Variants in EPB41L4A observed in about 807,000 individuals in gnomAD.
EPB41L4A encodes the protein band 4.1-like protein 4A.
Under a neutral mutation model 108.6 loss-of-function variants are expected in EPB41L4A, and 100 were observed. The observed-to-expected ratio is 0.92, with a 90% CI of 0.78 to 1.09. EPB41L4A has a LOEUF of 1.09. Ranked by LOEUF, EPB41L4A falls within the 50% of genes least tolerant of loss-of-function variation. The pLI is 0.00. For missense variants in EPB41L4A, 1,030 were observed against 842.7 expected (o/e 1.22, Z -2.75); for synonymous variants, 319 against 289.0 (o/e 1.10, Z -1.05).
intron 12 of EPB41L4A, among the ~76,000 whole-genome samples, chr5:112,146,715 G>T (rs17134157): frequency 0.065 from 9,959 of 152,144 alleles, 881 homozygotes; most frequent in African/African-American, 0.2. Context: ...ACAGAAGAAA[G>T]GTCTATTAAT....
At chr5:112,243,840 G>A (rs1417673199) in intron 9 of EPB41L4A, among the ~76,000 whole-genome samples, 1 of 152,172 alleles carries the variant, frequency 6.6e-6, no homozygotes, top group Non-Finnish European at 1.5e-5. Context: ...ACAGACTTTG[G>A]TTTAAGGAAA....
chr5:112,158,507 A>G, downstream of EPB41L4A: 2 of 322,450 alleles, frequency 6.2e-6, no homozygotes, highest in East Asian at 9.2e-5. Context: ...CCCCAGTCCA[A>G]GAAAATTTCC....
chr5:112,279,098 A>G (rs2150502729), intron 3 of EPB41L4A, among the ~76,000 whole-genome samples: 1 of 151,670 alleles, frequency 6.6e-6, no homozygotes, highest in Admixed American at 6.6e-5. Flanking sequence ...CATTCCTGAA[A>G]TTTTTCTGGT....
intron 12 of EPB41L4A, among the ~76,000 whole-genome samples, chr5:112,221,404 C>A (rs1748038030): frequency 6.6e-6 from 1 of 152,202 alleles, no homozygotes; most frequent in African/African-American, 2.4e-5. Context: ...AGATTTATTT[C>A]TCAGCTCTGC....
chr5:112,185,381 G>T (rs533088539), intron 17 of EPB41L4A, among the ~76,000 whole-genome samples: 1 of 152,276 alleles, frequency 6.6e-6, no homozygotes, highest in Admixed American at 6.5e-5. Context: ...ATCTGGATTT[G>T]CTTACAGGTG....
chr5:112,220,435 A>T (rs751227096), intron 12 of EPB41L4A, among the ~76,000 whole-genome samples: 1 of 152,208 alleles, frequency 6.6e-6, no homozygotes, highest in South Asian at 2.1e-4. Flanking sequence ...GCAGTCTAAC[A>T]GATTCCAGAT....
chr5:112,175,666 A>G (rs1468592950), intron 18 of EPB41L4A: 1 of 151,750 alleles, frequency 6.6e-6, no homozygotes, highest in Non-Finnish European at 1.5e-5. Context: ...ATATTTTTAT[A>G]TAGTACATAT....
intron 2 of EPB41L4A, among the ~76,000 whole-genome samples, chr5:112,283,300 C>A (rs1753079173): frequency 6.6e-6 from 1 of 152,150 alleles, no homozygotes; most frequent in Non-Finnish European, 1.5e-5. Context: ...AGAGGTCAGA[C>A]AATGATAAAT....
intron 1 of EPB41L4A, among the ~76,000 whole-genome samples, chr5:112,309,961 GC>G (rs1754943421): frequency 6.6e-6 from 1 of 152,164 alleles, no homozygotes; most frequent in Non-Finnish European, 1.5e-5. Flanking sequence ...GCGGGATTCT[GC>G]CAACAGCCAA....
intron 2 of EPB41L4A, among the ~76,000 whole-genome samples, chr5:112,282,874 C>A (rs565266022): frequency 6.6e-6 from 1 of 152,068 alleles, no homozygotes; most frequent in Non-Finnish European, 1.5e-5. Flanking sequence ...CAAAAGACAA[C>A]CTTTGTAATT....
chr5:112,385,315 T>C (rs1205079598), intron 1 of EPB41L4A, among the ~76,000 whole-genome samples: 1 of 151,882 alleles, frequency 6.6e-6, no homozygotes, highest in South Asian at 2.1e-4. Context: ...AAAAGTCCAA[T>C]AAAAGGCATA....
intron 13 of EPB41L4A, among the ~76,000 whole-genome samples, chr5:112,144,353 C>T (rs969314109): frequency 5.3e-5 from 8 of 152,154 alleles, no homozygotes; most frequent in African/African-American, 1.7e-4. Context: ...GGTGCAATCA[C>T]GGCTCACTGC....
At chr5:112,289,457 G>C (rs1580616336) in intron 2 of EPB41L4A, among the ~76,000 whole-genome samples, 1 of 152,100 alleles carries the variant, frequency 6.6e-6, no homozygotes, top group Admixed American at 6.5e-5. Context: ...CAGGGGGTTT[G>C]GGGGGAATAT....
chr5:112,385,034 T>C (rs10044406), intron 1 of EPB41L4A, among the ~76,000 whole-genome samples: 7,852 of 152,202 alleles, frequency 0.052, 611 homozygotes, highest in African/African-American at 0.17. Context: ...CGGGTGACCC[T>C]TGGATATGGT....
intron 1 of EPB41L4A, among the ~76,000 whole-genome samples, chr5:112,387,353 A>G (rs7705094): frequency 0.14 from 21,482 of 152,224 alleles, 4,254 homozygotes; most frequent in African/African-American, 0.44. Context: ...TGGGTTGGGC[A>G]CGGTGGCTCA....
At chr5:112,259,861 A>C (rs1338010188) in intron 8 of EPB41L4A, 30 bp downstream of exon 8, 2 of 1,558,944 alleles carry the variant, frequency 1.3e-6, no homozygotes, top group East Asian at 4.5e-5. Flanking sequence ...AAAACATAGA[A>C]TGCCAACTCT....
upstream of EPB41L4A, chr5:112,419,546 C>T: frequency 2.3e-6 from 1 of 429,812 alleles, no homozygotes; most frequent in Admixed American, 2.5e-5. Context: ...CCCGCGGGCG[C>T]GCACTTCCAG....
At chr5:112,159,021 G>A (rs1246714507), downstream of EPB41L4A, among the ~76,000 whole-genome samples, 1 of 152,204 alleles carries the variant, frequency 6.6e-6, no homozygotes, top group Non-Finnish European at 1.5e-5. Context: ...AGATGTTACA[G>A]TGACTTCCTA....
In EPB41L4A at chr5:112,165,094, G is replaced by C. The variant is rs1258681070; in HGVS notation, c.1957C>G (p.Leu653Val). ...HQRRNGSKDS[L>V]MEEKPQTSTN... ...GATGTCTGAGGTTTTTCTTCCATCA[G>C]GCTATCTTTAGACCCATTTCTTCTC... The change falls in exon 23 of 23, where the codon CTG (leucine) becomes GTG (valine). Residue 653 changes from leucine to valine, a missense_variant. Leu to Val is a conservative substitution (Grantham distance 32). Transcript: ENST00000261486. The C allele has an allele frequency of 6.9e-6, 11 of 1,588,184 alleles. No homozygotes were observed. The highest frequency in any genetic ancestry group is 1.8e-5 in the Admixed American group (1 of 56,542).
Sources: allele counts gnomAD v4.1 joint callset (sites outside exome capture counted in the v4.1 genomes callset), GRCh38; gene constraint gnomAD v4.1.1; transcripts MANE v1.5; gene names NCBI Gene and HGNC (gene_info 2026-07-23, HGNC 2026-07-21).